The following HS3ST5 variants were observed in gnomAD, a reference collection of about 807,000 sequenced individuals.
The protein encoded by HS3ST5 is heparan sulfate-glucosamine 3-sulfotransferase 5, also known as heparan sulfate glucosamine 3-O-sulfotransferase 5.
A neutral mutation model predicts 25.4 loss-of-function variants in HS3ST5; 10 were observed. The ratio of observed to expected loss-of-function variants is 0.39; its 90% CI spans 0.24 to 0.67. HS3ST5 has a LOEUF of 0.67. Among genes scored for constraint, HS3ST5 ranks in the 30% least tolerant of loss-of-function variants. HS3ST5 has a pLI of 0.44. For synonymous variants in HS3ST5, 170 were observed against 162.4 expected, an observed-to-expected ratio of 1.05 and a Z score of -0.36; for missense variants, 324 against 420.7, an observed-to-expected ratio of 0.77 and a Z score of 2.01.
rs760077446 is a variant in HS3ST5 at position 114,216,728 on chromosome 6, TAAAAAAAAAAA to T, written c.-145+11846_-145+11856del. On this transcript the variant is annotated intron_variant, in intron 2 of 4. Coordinates refer to ENST00000312719, the MANE Select transcript of HS3ST5 (RefSeq NM_153612.4). ...AGATAGAGAACAGAATCGTCCTCCT[TAAAAAAAAAAA>T]AAAAAAAAAAAGGAAAAGAAAACTG... 1.7e-4 allele frequency among the ~76,000 whole-genome samples: 15 copies of T among 90,166 alleles called. No individual in the cohort carries two copies. The East Asian group carries it at 2.4e-3, about 15-fold the overall frequency. 59.2% of individuals were successfully genotyped at this position (90,166 alleles called of 152,430 possible). A position where few individuals can be genotyped will look rare whatever the true frequency, so the allele number is the denominator to read the frequency against.
At chr6:114,173,233 G>A (rs538415641) in intron 2 of HS3ST5, among the ~76,000 whole-genome samples, 19 of 152,296 alleles carry the variant, frequency 1.2e-4, no homozygotes, top group Admixed American at 3.9e-4. Context: ...AACTTCCACA[G>A]AATCCACTCT....
intron 1 of HS3ST5, among the ~76,000 whole-genome samples, chr6:114,330,076 T>C (rs1776332121): frequency 6.6e-6 from 1 of 152,168 alleles, no homozygotes; most frequent in African/African-American, 2.4e-5. Context: ...CCCATTTCCA[T>C]GACATAAATT....
At chr6:114,155,591 T>C (rs1183136555) in intron 3 of HS3ST5, among the ~76,000 whole-genome samples, 1 of 152,232 alleles carries the variant, frequency 6.6e-6, no homozygotes, top group Admixed American at 6.5e-5. Flanking sequence ...AAAACAGATA[T>C]AATTAGAGTG....
chr6:114,173,190 G>A (rs1779549882), intron 2 of HS3ST5, among the ~76,000 whole-genome samples: 1 of 152,176 alleles, frequency 6.6e-6, no homozygotes, highest in South Asian at 2.1e-4. Flanking sequence ...GGCTAGCAAT[G>A]TTTTAACAAC....
At chr6:114,341,545 C>T (rs572825498) in intron 1 of HS3ST5, among the ~76,000 whole-genome samples, 1 of 151,340 alleles carries the variant, frequency 6.6e-6, no homozygotes, top group African/African-American at 2.4e-5. Flanking sequence ...ACCTCTCAGA[C>T]TTGTTTGTAG....
At chr6:114,321,039 C>T (rs1362573142) in intron 1 of HS3ST5, among the ~76,000 whole-genome samples, 1 of 151,710 alleles carries the variant, frequency 6.6e-6, no homozygotes, top group African/African-American at 2.4e-5. Flanking sequence ...TCTGGGATTA[C>T]AGGCATGAAC....
chr6:114,218,575 G>A (rs932106528), intron 2 of HS3ST5, among the ~76,000 whole-genome samples: 17 of 152,152 alleles, frequency 1.1e-4, no homozygotes, highest in African/African-American at 4.1e-4. Context: ...CAGTAGGTGC[G>A]AGGTTTCGAA....
At chr6:114,116,747 C>G (rs1044762084) in intron 3 of HS3ST5, among the ~76,000 whole-genome samples, 1 of 152,100 alleles carries the variant, frequency 6.6e-6, no homozygotes. Flanking sequence ...TCCATTTTCC[C>G]CCACCACTGA....
At chr6:114,112,634 T>G (rs957025046) in intron 3 of HS3ST5, 1 of 152,204 alleles carries the variant, frequency 6.6e-6, no homozygotes. Context: ...CATACCACCA[T>G]GCTAGTTGAC....
At position 114,322,237 on chromosome 6, in the gene HS3ST5, T is replaced by C. The variant is rs545970413; in HGVS notation, c.-339+19958A>G. Reference sequence around the variant, plus strand: ...TTAAAGTAGCAATATAATGCGTCTTTCAGAATGTGTTTATATTTTCAATTT... The same window carrying C: ...TTAAAGTAGCAATATAATGCGTCTTCCAGAATGTGTTTATATTTTCAATTT... On this transcript the variant is annotated intron_variant, in intron 1 of 4. Transcript: ENST00000312719. 6.7e-4 allele frequency among the ~76,000 whole-genome samples: 102 copies of C among 152,272 alleles called. 1 individual carries two copies. Among genetic ancestry groups the C allele is most frequent in the African/African-American group, 2.2e-3 (91 of 41,578 alleles).
chr6:114,164,516 A>G (rs1354391279), intron 3 of HS3ST5, among the ~76,000 whole-genome samples: 1 of 152,194 alleles, frequency 6.6e-6, no homozygotes. Flanking sequence ...CCATCTCAGC[A>G]GTATATCTTG....
At chr6:114,080,471 A>G (rs1774388036) in intron 3 of HS3ST5, among the ~76,000 whole-genome samples, 1 of 152,244 alleles carries the variant, frequency 6.6e-6, no homozygotes, top group South Asian at 2.1e-4. Flanking sequence ...TTCTACCAAA[A>G]GAAATGTGTA....
At chr6:114,211,634 G>A (rs1205921942) in intron 2 of HS3ST5, among the ~76,000 whole-genome samples, 4 of 152,060 alleles carry the variant, frequency 2.6e-5, no homozygotes, top group Non-Finnish European at 5.9e-5. Context: ...ACTAAGACAA[G>A]CATTTAACTT....
chr6:114,097,644 T>C (rs1198999227), intron 3 of HS3ST5, among the ~76,000 whole-genome samples: 1 of 151,928 alleles, frequency 6.6e-6, no homozygotes, highest in Non-Finnish European at 1.5e-5. Context: ...CTCTGGAAAA[T>C]ATGAGCACTT....
intron 2 of HS3ST5, among the ~76,000 whole-genome samples, chr6:114,182,882 C>A (rs1780036544): frequency 6.6e-6 from 1 of 152,062 alleles, no homozygotes; most frequent in South Asian, 2.1e-4. Context: ...AACGGATGGC[C>A]CTACTCAGTG....
chr6:114,224,531 T>C (rs1330248374), intron 2 of HS3ST5, among the ~76,000 whole-genome samples: 2 of 151,496 alleles, frequency 1.3e-5, no homozygotes, highest in Non-Finnish European at 3.0e-5. Context: ...TTACCAGCTA[T>C]TTCTGGGCAA....
intron 3 of HS3ST5, among the ~76,000 whole-genome samples, chr6:114,130,759 C>T (rs191834108): frequency 7.7e-4 from 117 of 151,948 alleles, no homozygotes; most frequent in African/African-American, 2.6e-3. Context: ...TTAGTAGAGA[C>T]GGGGTTTCAC....
chr6:114,230,603 T>TA (rs1042174389), intron 1 of HS3ST5, among the ~76,000 whole-genome samples: 1 of 151,426 alleles, frequency 6.6e-6, no homozygotes, highest in Non-Finnish European at 1.5e-5. Context: ...ACTCTTTTTT[T>TA]TTTTTTTTGA....
chr6:114,314,362 A>C (rs1443018698), intron 1 of HS3ST5, among the ~76,000 whole-genome samples: 1 of 152,222 alleles, frequency 6.6e-6, no homozygotes, highest in African/African-American at 2.4e-5. Flanking sequence ...ACATAGACAC[A>C]AATGATTCCT....
Sources: allele counts gnomAD v4.1 joint callset (sites outside exome capture counted in the v4.1 genomes callset), GRCh38; gene constraint gnomAD v4.1.1; transcripts MANE v1.5; gene names NCBI Gene and HGNC (gene_info 2026-07-23, HGNC 2026-07-21).